FXR2: variants seen among roughly 807,000 people sequenced by gnomAD.
FXR2 encodes the protein FMR1 autosomal homolog 2.
In FXR2, 9 loss-of-function variants were observed where a neutral mutation model predicts 87.3. The ratio of observed to expected loss-of-function variants is 0.10; its 90% CI spans 0.06 to 0.18. The LOEUF is 0.18. Ranked by LOEUF, FXR2 falls within the 10% of genes least tolerant of loss-of-function variation. The pLI is 1.00. For synonymous variants in FXR2, 331 were observed against 328.3 expected, an observed-to-expected ratio of 1.01 and a Z score of -0.09; for missense variants, 661 against 893.6, an observed-to-expected ratio of 0.74 and a Z score of 3.32.
At chr17:7,607,200 C>A (rs1028286750) in intron 1 of FXR2, among the ~76,000 whole-genome samples, 10 of 151,756 alleles carry the variant, frequency 6.6e-5, no homozygotes, top group African/African-American at 2.2e-4. Flanking sequence ...TGTCTGTAAT[C>A]CCAGCTATTT....
intron 6 of FXR2, among the ~76,000 whole-genome samples, chr17:7,601,858 C>T (rs1004263141): frequency 4.6e-5 from 7 of 151,500 alleles, no homozygotes; most frequent in South Asian, 2.1e-4. Flanking sequence ...ACCCGGGAGT[C>T]GGAGGTTGCA....
intron 1 of FXR2, among the ~76,000 whole-genome samples, chr17:7,607,817 C>CA (rs1287424461): frequency 6.6e-6 from 1 of 151,898 alleles, no homozygotes; most frequent in Non-Finnish European, 1.5e-5. Context: ...TTTTTTGAGA[C>CA]AGAGTTTCGC....
chr17:7,596,078 G>T, intron 7 of FXR2, 84 bp from the exon 8 acceptor site: 1 of 1,020,376 alleles, frequency 9.8e-7, no homozygotes, highest in South Asian at 1.5e-5. Flanking sequence ...CTTAAATAAG[G>T]AAAACTGTGT....
Position 7,592,623 on chromosome 17 carries a change from G to A in FXR2, c.1730-24C>T, listed in dbSNP as rs1167871978. The stretch of plus-strand genomic sequence containing the variant: ...TTCTGTAGGGTAGGAAAAAACCAGA[G>A]TCACACATCCAACCTCCCACCCTCG... On this transcript the variant is annotated intron_variant, in intron 14 of 16. Transcript: ENST00000250113. This position sits in a 1 kb window ranked among gnomAD's most constrained non-coding sequence, Gnocchi z 4.8. 3 of 1,613,052 alleles carry A rather than the reference G, an allele frequency of 1.9e-6. No homozygotes were observed. In the South Asian group the frequency reaches 3.3e-5, roughly 18 times the overall value.
chr17:7,597,559 C>A (rs1440872929), intron 7 of FXR2, among the ~76,000 whole-genome samples: 1 of 151,730 alleles, frequency 6.6e-6, no homozygotes, highest in Non-Finnish European at 1.5e-5. Context: ...CTGCTCACTG[C>A]AACTTCTGCC....
chr17:7,600,445 A>T (rs944709284), intron 7 of FXR2, among the ~76,000 whole-genome samples: 1 of 151,350 alleles, frequency 6.6e-6, no homozygotes, highest in African/African-American at 2.4e-5. Context: ...TCGGCCTCCC[A>T]AAGTGCTAAA....
rs749069470 is a variant in FXR2, at chr17:7,602,895, C to T, written c.543+14G>A. On this transcript the variant is annotated intron_variant, in intron 6 of 16. Transcript: ENST00000250113. ...TCAAAAGGCTTATGTGAAATTCAGG[C>T]AGAATAAACTCACCAGAATGAAGAG... is the stretch of plus-strand genomic sequence containing the variant. The T allele has an allele frequency of 3.2e-6, 4 of 1,255,698 alleles. No individual in the cohort carries two copies. The highest frequency in any genetic ancestry group is 3.6e-5 in the Admixed American group (2 of 55,378). 77.8% of individuals were successfully genotyped at this position (1,255,698 alleles called of 1,614,324 possible). A position where few individuals can be genotyped will look rare whatever the true frequency, so the allele number is the denominator to read the frequency against.
Position 7,603,762 on chromosome 17 carries a change from T to C in FXR2, c.444A>G (p.Arg148=). The C allele has an allele frequency of 1.9e-6, 3 of 1,613,838 alleles. No homozygotes were observed. The highest frequency in any genetic ancestry group is 2.5e-6 in the Non-Finnish European group (3 of 1,179,812). The change falls in exon 5 of 17, where the codon AGA becomes AGG. Residue 148 remains arginine, a synonymous_variant. Transcript: ENST00000250113. ...CCACCATCCTTAACACTCACGCTTC[T>C]CTCAGATCCTCGGGCACAGCCATGG... The part of the protein sequence containing the change: ...KVTMAVPEDL[R]EACSNENVHK...
chr17:7,614,249 G>C (rs1567755798), intron 1 of FXR2: 2 of 687,644 alleles, frequency 2.9e-6, no homozygotes, highest in East Asian at 5.4e-5. Context: ...AGAAGCAGGT[G>C]CAGGTGCCTT....
intron 5 of FXR2, among the ~76,000 whole-genome samples, chr17:7,603,232 A>C (rs1227439855): frequency 6.6e-6 from 1 of 151,974 alleles, no homozygotes; most frequent in East Asian, 1.9e-4. Context: ...TAAATAAGAA[A>C]AGAAAAGGGA....
rs2071690110 is a variant in FXR2, at chr17:7,594,213, A to G, written c.1020+25T>C. 7.5e-7 allele frequency: 1 copy of G among 1,325,202 alleles called. No homozygotes were observed. Among genetic ancestry groups the G allele is most frequent in the Non-Finnish European group, 1.1e-6 (1 of 918,272 alleles). 82.1% of individuals were successfully genotyped at this position (1,325,202 alleles called of 1,614,324 possible). A position where few individuals can be genotyped will look rare whatever the true frequency, so the allele number is the denominator to read the frequency against. ...CATTTACTTCTGGAAACCAATCTCT[A>G]TGCCCACTTGCCCCGTACCCATACC... On this transcript the variant is annotated intron_variant, in intron 10 of 16. Coordinates refer to ENST00000250113, the MANE Select transcript of FXR2 (RefSeq NM_004860.4). This position sits in a 1 kb window ranked among gnomAD's most constrained non-coding sequence, Gnocchi z 5.1.
At chr17:7,605,284 C>A (rs1306516100) in intron 3 of FXR2, among the ~76,000 whole-genome samples, 5 of 152,004 alleles carry the variant, frequency 3.3e-5, no homozygotes, top group Non-Finnish European at 7.4e-5. Context: ...GGAAGAATTG[C>A]TTGAACCCAA....
chr17:7,599,265 T>C (rs2071733713), intron 7 of FXR2, among the ~76,000 whole-genome samples: 1 of 151,924 alleles, frequency 6.6e-6, no homozygotes, highest in African/African-American at 2.4e-5. Context: ...CACCACTACA[T>C]ACACTCCAGC....
In FXR2 at chr17:7,595,086, G is replaced by A. The variant is rs924768171; in HGVS notation, c.832-329C>T. Reference sequence around the variant, plus strand: ...AGATTGTGCCACTGCACTCTAGCCCGGGCAACAGAGTGAGTTAGACTCCAT... The same window carrying A: ...AGATTGTGCCACTGCACTCTAGCCCAGGCAACAGAGTGAGTTAGACTCCAT... On this transcript the variant is annotated intron_variant, in intron 8 of 16. Transcript: ENST00000250113. The surrounding 1 kb of genome is among the most constrained non-coding windows in gnomAD (Gnocchi z 4.7). 3.3e-5 allele frequency among the ~76,000 whole-genome samples: 5 copies of A among 151,542 alleles called. No individual in the cohort carries two copies. Among genetic ancestry groups the A allele is most frequent in the African/African-American group, 9.7e-5 (4 of 41,190 alleles).
chr17:7,610,756 G>C (rs1218465681), intron 1 of FXR2, among the ~76,000 whole-genome samples: 1 of 152,184 alleles, frequency 6.6e-6, no homozygotes, highest in African/African-American at 2.4e-5. Context: ...GAAGGCAAGA[G>C]CAGGTGGGTG....
Position 7,592,032 on chromosome 17 carries a change from G to C in FXR2, c.1927-107C>G. ...AGCCCTCCTGGCATTTGGTGATCCA[G>C]AGGTTGGTTCCCTGATCTCATGATC... is the stretch of plus-strand genomic sequence containing the variant. On this transcript the variant is annotated intron_variant, in intron 16 of 16. Coordinates refer to ENST00000250113, the MANE Select transcript of FXR2 (RefSeq NM_004860.4). The surrounding 1 kb of genome is among the most constrained non-coding windows in gnomAD (Gnocchi z 4.8). 1 of 1,265,720 alleles carries C rather than the reference G, an allele frequency of 7.9e-7. No individual in the cohort carries two copies. The highest frequency in any genetic ancestry group is 1.1e-6 in the Non-Finnish European group (1 of 923,746). 78.4% of individuals were successfully genotyped at this position (1,265,720 alleles called of 1,614,324 possible). A position where few individuals can be genotyped will look rare whatever the true frequency, so the allele number is the denominator to read the frequency against.
chr17:7,610,046 A>ATG (rs1409705722), intron 1 of FXR2, among the ~76,000 whole-genome samples: 1 of 76,862 alleles, frequency 1.3e-5, no homozygotes, highest in East Asian at 3.5e-4. Context: ...ATGTATATAT[A>ATG]TACACACACA....
chr17:7,604,307 AT>A (rs2071784230), intron 3 of FXR2, among the ~76,000 whole-genome samples: 1 of 151,968 alleles, frequency 6.6e-6, no homozygotes, highest in South Asian at 2.1e-4. Flanking sequence ...GCTCAAGCTT[AT>A]AATCCCAGCA....
intron 1 of FXR2, among the ~76,000 whole-genome samples, chr17:7,608,793 T>C (rs952648502): frequency 6.6e-6 from 1 of 152,194 alleles, no homozygotes; most frequent in African/African-American, 2.4e-5. Context: ...ATTCCTTTGA[T>C]TGCAGTGATG....
Sources: gnomAD v4.1 joint callset for allele counts (sites outside exome capture counted in the v4.1 genomes callset) on GRCh38, gnomAD v4.1.1 for gene constraint, Gnocchi (gnomAD v3.1) non-coding constraint, MANE v1.5 for transcripts, NCBI Gene and HGNC (gene_info 2026-07-23, HGNC 2026-07-21) for gene names.